Variants in STK3 observed in about 807,000 individuals in gnomAD.
The protein encoded by STK3 is serine/threonine kinase 3.
In STK3, 41 loss-of-function variants were observed where a neutral mutation model predicts 58.0. That is an observed-to-expected ratio of 0.71 (90% confidence interval 0.55 to 0.92). The LOEUF (loss-of-function observed/expected upper bound fraction) is 0.92. Ranked by LOEUF, STK3 falls within the 40% of genes least tolerant of loss-of-function variation. The pLI is 0.00. For synonymous variants in STK3, 170 were observed against 191.0 expected (o/e 0.89, Z 0.91); for missense variants, 479 against 602.7 (o/e 0.79, Z 2.15).
intron 3 of STK3, among the ~76,000 whole-genome samples, chr8:98,845,772 G>A (rs554625799): frequency 6.6e-6 from 1 of 152,324 alleles, no homozygotes; most frequent in African/African-American, 2.4e-5. Flanking sequence ...TAAGCAGAGA[G>A]ATACTTACTA....
intron 6 of STK3, among the ~76,000 whole-genome samples, chr8:98,664,008 A>G (rs1822157159): frequency 6.6e-6 from 1 of 152,168 alleles, no homozygotes; most frequent in Non-Finnish European, 1.5e-5. Context: ...AACTTTTTAC[A>G]TGTTTAGGTG....
At chr8:98,903,671 T>G (rs1188219370) in intron 1 of STK3, among the ~76,000 whole-genome samples, 3 of 151,842 alleles carry the variant, frequency 2.0e-5, no homozygotes, top group Non-Finnish European at 4.4e-5. Flanking sequence ...TTCCAAACAC[T>G]GCATTACAGA....
At chr8:98,720,737 C>G (rs908436319) in intron 4 of STK3, among the ~76,000 whole-genome samples, 1 of 126,940 alleles carries the variant, frequency 7.9e-6, no homozygotes, top group East Asian at 2.3e-4. Context: ...GGTGACAGAG[C>G]GAGACTCCGT....
At chr8:98,582,972 T>A (rs145322658) in intron 7 of STK3, among the ~76,000 whole-genome samples, 1 of 152,264 alleles carries the variant, frequency 6.6e-6, no homozygotes, top group Non-Finnish European at 1.5e-5. Flanking sequence ...AGTTTATAAC[T>A]ATATCTTCCT....
At chr8:98,612,000 T>C (rs1817233962) in intron 6 of STK3, among the ~76,000 whole-genome samples, 1 of 151,052 alleles carries the variant, frequency 6.6e-6, no homozygotes, top group South Asian at 2.1e-4. Flanking sequence ...ACAATCAAAC[T>C]GTTCCCCTTG....
intron 9 of STK3, among the ~76,000 whole-genome samples, chr8:98,532,927 C>A (rs1434131308): frequency 6.6e-6 from 1 of 151,996 alleles, no homozygotes; most frequent in Non-Finnish European, 1.5e-5. Flanking sequence ...AAGTATAATC[C>A]ATTAAAGTGG....
intron 9 of STK3, among the ~76,000 whole-genome samples, chr8:98,542,077 A>C (rs1189608829): frequency 6.6e-6 from 1 of 152,210 alleles, no homozygotes; most frequent in East Asian, 1.9e-4. Flanking sequence ...TGGTAGTGAA[A>C]TGCTATTTTA....
At chr8:98,936,609 T>C (rs1233812885) in intron 1 of STK3, among the ~76,000 whole-genome samples, 1 of 152,196 alleles carries the variant, frequency 6.6e-6, no homozygotes, top group East Asian at 1.9e-4. Flanking sequence ...ATGTGGTCAA[T>C]GATGAGACAG....
Position 98,807,589 on chromosome 8 carries a change from T to C in STK3, c.26+17926A>G, listed in dbSNP as rs577861804. Among the ~76,000 whole-genome samples, 3 of 152,212 alleles carry C rather than the reference T, an allele frequency of 2.0e-5. No individual in the cohort carries two copies. The South Asian group carries it at 6.2e-4, about 32-fold the overall frequency. ...CAAATGTTATTTAGGAGACTGGAAA[T>C]AGTGAATAAGACTGAGTACAAAAAT... On this transcript the variant is annotated intron_variant, in intron 1 of 10. Transcript: ENST00000419617.
intron 4 of STK3, among the ~76,000 whole-genome samples, chr8:98,740,871 A>G (rs1829142881): frequency 6.6e-6 from 1 of 152,190 alleles, no homozygotes; most frequent in South Asian, 2.1e-4. Context: ...AGAGACACAC[A>G]AAGGCTCAAA....
chr8:98,393,506 G>C (rs1168017076), intron 3 of STK3: 1 of 152,028 alleles, frequency 6.6e-6, no homozygotes, highest in African/African-American at 2.4e-5. Context: ...AGTGTAATAA[G>C]GCCAATAGAA....
intron 1 of STK3, among the ~76,000 whole-genome samples, chr8:98,779,576 T>C (rs998511801): frequency 5.3e-5 from 8 of 152,188 alleles, no homozygotes; most frequent in African/African-American, 1.9e-4. Flanking sequence ...ATAAGGTAGA[T>C]ACAAAAATTT....
rs190392047 is a variant in STK3, at chr8:98,746,831, A to G, written c.351+2445T>C. On this transcript the variant is annotated intron_variant, in intron 4 of 10. Transcript: ENST00000419617. ...GGCAGGAGAATTGCTTGAGACCAGG[A>G]GTTGAAGACCAGCCTGGGCAATATA... 4.3e-4 allele frequency among the ~76,000 whole-genome samples: 66 copies of G among 152,136 alleles called. 1 individual carries two copies. In the East Asian group the frequency reaches 9.7e-3, roughly 22 times the overall value.
chr8:98,514,962 T>A (rs527315341), intron 10 of STK3, among the ~76,000 whole-genome samples: 4 of 152,242 alleles, frequency 2.6e-5, no homozygotes, highest in Admixed American at 2.6e-4. Context: ...ACCATCAATC[T>A]AATTATCTAA....
chr8:98,623,165 A>G (rs1818450894), intron 6 of STK3, among the ~76,000 whole-genome samples: 1 of 152,096 alleles, frequency 6.6e-6, no homozygotes, highest in Admixed American at 6.6e-5. Context: ...GGGAGGGAAG[A>G]ATAAGATGAG....
intron 3 of STK3, among the ~76,000 whole-genome samples, chr8:98,834,424 G>C (rs1163960094): frequency 6.6e-6 from 1 of 152,052 alleles, no homozygotes; most frequent in Non-Finnish European, 1.5e-5. Flanking sequence ...CGATTATGTA[G>C]AAAAAATGGG....
At chr8:98,741,898 T>C (rs1198556914) in intron 4 of STK3, among the ~76,000 whole-genome samples, 14 of 152,208 alleles carry the variant, frequency 9.2e-5, no homozygotes, top group Admixed American at 2.6e-4. Flanking sequence ...ATAAAGGGGA[T>C]ATCACGACCG....
intron 1 of STK3, among the ~76,000 whole-genome samples, chr8:98,789,830 C>T (rs746436471): frequency 2.4e-4 from 37 of 152,008 alleles, no homozygotes; most frequent in Admixed American, 8.5e-4. Flanking sequence ...AGTTCAAGAC[C>T]AGCCTGCCCA....
intron 6 of STK3, among the ~76,000 whole-genome samples, chr8:98,675,458 A>C (rs1823130335): frequency 6.6e-6 from 1 of 152,238 alleles, no homozygotes; most frequent in Admixed American, 6.5e-5. Context: ...GTCTATAAAA[A>C]AAATGGCTGA....
Sources: gnomAD v4.1 joint callset for allele counts (sites outside exome capture counted in the v4.1 genomes callset) on GRCh38, gnomAD v4.1.1 for gene constraint, MANE v1.5 for transcripts, NCBI Gene and HGNC (gene_info 2026-07-23, HGNC 2026-07-21) for gene names.